PNKD: variants seen among roughly 807,000 people sequenced by gnomAD.
PNKD encodes probable thioesterase PNKD.
PNKD carries 36 observed loss-of-function variants against 45.3 expected under a neutral mutation model. The observed-to-expected ratio is 0.80, with a 90% confidence interval of 0.61 to 1.05. PNKD has a LOEUF of 1.05. PNKD is among the 50% of genes least tolerant of loss of function. PNKD has a pLI of 0.00. For missense variants in PNKD, 511 were observed against 506.6 expected, an observed-to-expected ratio of 1.01 and a Z score of -0.08; for synonymous variants, 197 against 210.1, an observed-to-expected ratio of 0.94 and a Z score of 0.54.
chr2:218,272,437 GCA>G (rs753266111), intron 2 of PNKD: 5 of 813,038 alleles, frequency 6.1e-6, no homozygotes, highest in South Asian at 1.5e-5. Flanking sequence ...CCAGCAGCCA[GCA>G]CAGAGGATGA....
At chr2:218,309,188 TGG>T (rs1230671553) in intron 2 of PNKD, among the ~76,000 whole-genome samples, 1 of 151,696 alleles carries the variant, frequency 6.6e-6, no homozygotes, top group Admixed American at 6.6e-5. Context: ...TTCGTAGAAA[TGG>T]GGTTTCACAG....
intron 2 of PNKD, chr2:218,275,885 G>C: frequency 1.9e-6 from 2 of 1,076,558 alleles, no homozygotes; most frequent in Non-Finnish European, 2.7e-6. Flanking sequence ...AAAATCAATG[G>C]AATCTCTGGA....
rs1690866717 is a variant in PNKD, at chr2:218,272,229, TG to T, written c.236+682del. 2.6e-5 allele frequency among the ~76,000 whole-genome samples: 4 copies of T among 151,796 alleles called. No homozygotes were observed. In the East Asian group the frequency reaches 7.7e-4, roughly 29 times the overall value. On this transcript the variant is annotated intron_variant, in intron 2 of 9. Coordinates refer to ENST00000273077, the MANE Select transcript of PNKD (RefSeq NM_015488.5). Reference sequence around the variant, plus strand: ...AGAGAGGGAAAGCGTCAGGGCTGCCTGGAAAATCCTGCACAGGTGCTGTTGC... The same window carrying T: ...AGAGAGGGAAAGCGTCAGGGCTGCCTGAAAATCCTGCACAGGTGCTGTTGC...
In PNKD at chr2:218,315,077, T is replaced by TTCCTTCCTTC. The variant is rs1191401028; in HGVS notation, c.237-24706_237-24705insTCCTTCCTTC. On this transcript the variant is annotated intron_variant, in intron 2 of 9. Transcript: ENST00000273077. ...TTCTTTCTTCCTTCCTTCCTTCCTT[T>TTCCTTCCTTC]CTTTCTCTCTCTCTCTCTCCTTCCT... is the stretch of plus-strand genomic sequence containing the variant. Among the ~76,000 whole-genome samples, 80 of 72,870 alleles carry TTCCTTCCTTC rather than the reference T, an allele frequency of 1.1e-3. 1 individual carries two copies. Among genetic ancestry groups the TTCCTTCCTTC allele is most frequent in the Middle Eastern group, 8.6e-3 (1 of 116 alleles). 47.8% of individuals were successfully genotyped at this position (72,870 alleles called of 152,430 possible).
rs1306943989 is a variant in PNKD, at chr2:218,326,462, T to G, written c.237-13321T>G. On this transcript the variant is annotated intron_variant, in intron 2 of 9. Transcript: ENST00000273077. This position sits in a 1 kb window ranked among gnomAD's most constrained non-coding sequence, Gnocchi z 4.1. ...TTTGCATCCTAGTTTTGTTGCTTAG[T>G]AGCCATGTGACCTTGAACAAATAAC... Among the ~76,000 whole-genome samples, 1 of 152,178 alleles carries G rather than the reference T, an allele frequency of 6.6e-6. No homozygotes were observed. The highest frequency in any genetic ancestry group is 1.5e-5 in the Non-Finnish European group (1 of 68,028).
chr2:218,275,498 G>GC (rs760550492), intron 2 of PNKD: 2 of 1,613,922 alleles, frequency 1.2e-6, no homozygotes, highest in Admixed American at 3.3e-5. Context: ...CCCATCAGCT[G>GC]CAGCACAAAG....
chr2:218,271,837 G>A (rs1303934596), intron 2 of PNKD, among the ~76,000 whole-genome samples: 1 of 152,218 alleles, frequency 6.6e-6, no homozygotes, highest in Non-Finnish European at 1.5e-5. Flanking sequence ...CCAAGTTTAA[G>A]TAAGTAGTTC....
intron 2 of PNKD, among the ~76,000 whole-genome samples, chr2:218,330,764 T>G (rs1694294030): frequency 6.6e-6 from 1 of 152,234 alleles, no homozygotes; most frequent in Non-Finnish European, 1.5e-5. Flanking sequence ...AATCTTTTTG[T>G]TTAACCAGCA....
intron 2 of PNKD, among the ~76,000 whole-genome samples, chr2:218,296,006 C>A (rs1036952067): frequency 6.6e-6 from 1 of 152,064 alleles, no homozygotes; most frequent in Admixed American, 6.6e-5. Context: ...CACCACCACG[C>A]CCGGCTAATT....
intron 2 of PNKD, chr2:218,282,159 G>C (rs2292555): frequency 0.39 from 562,647 of 1,460,798 alleles, 110,223 homozygotes; most frequent in Middle Eastern, 0.49. Context: ...CACGGGCTGA[G>C]GGGGAACCCC....
intron 2 of PNKD, among the ~76,000 whole-genome samples, chr2:218,332,853 C>T (rs1694369543): frequency 6.6e-6 from 1 of 152,180 alleles, no homozygotes; most frequent in African/African-American, 2.4e-5. Flanking sequence ...TCTGCATGGC[C>T]TGGCCCCTGC....
intron 2 of PNKD, 79 bp from the exon 3 acceptor site, chr2:218,339,704 G>A (rs546015245): frequency 1.2e-6 from 1 of 818,176 alleles, no homozygotes; most frequent in Admixed American, 1.9e-5. Context: ...ATGGAGATGT[G>A]GGGCCTGCAG....
chr2:218,278,573 C>T, intron 2 of PNKD: 3 of 1,614,148 alleles, frequency 1.9e-6, no homozygotes, highest in Non-Finnish European at 2.5e-6. Context: ...GCACTAGGGA[C>T]AAAGAGATGG....
rs1690914864 is a variant in PNKD, at chr2:218,273,083, G to A, written c.236+1534G>A. 1.1e-5 allele frequency: 6 copies of A among 555,878 alleles called. No homozygotes were observed. The South Asian group carries it at 1.1e-4, about 10-fold the overall frequency. 34.4% of individuals were successfully genotyped at this position (555,878 alleles called of 1,614,324 possible). A position where few individuals can be genotyped will look rare whatever the true frequency, so the allele number is the denominator to read the frequency against. ...AAACCCAGAGACTTAAGTGCAACCAGCCTAGGCCCCGGGCCCTCGGGACCA... is the reference window on the plus strand; with the variant it reads ...AAACCCAGAGACTTAAGTGCAACCAACCTAGGCCCCGGGCCCTCGGGACCA... On this transcript the variant is annotated intron_variant, in intron 2 of 9. Coordinates refer to ENST00000273077, the MANE Select transcript of PNKD (RefSeq NM_015488.5).
chr2:218,301,585 G>A (rs543650325), intron 2 of PNKD, among the ~76,000 whole-genome samples: 32 of 152,234 alleles, frequency 2.1e-4, no homozygotes, highest in East Asian at 7.7e-4. Flanking sequence ...CCAGGAGTTC[G>A]AAACCAGCCT....
chr2:218,304,234 A>G (rs1003451751), intron 2 of PNKD, among the ~76,000 whole-genome samples: 1 of 150,816 alleles, frequency 6.6e-6, no homozygotes, highest in African/African-American at 2.4e-5. Context: ...GCTCACTGCA[A>G]CCTCCCAGTT....
At chr2:218,283,853 G>C (rs1187803491) in intron 2 of PNKD, among the ~76,000 whole-genome samples, 1 of 152,102 alleles carries the variant, frequency 6.6e-6, no homozygotes, top group Non-Finnish European at 1.5e-5. Context: ...GATAGAACCA[G>C]GGCAAGAATG....
rs118028961 is a variant in PNKD, at chr2:218,337,549, T to G, written c.237-2234T>G. Among the ~76,000 whole-genome samples the G allele has an allele frequency of 1.6e-3, 250 of 152,332 alleles. 6 individuals carry two copies. In the East Asian group the frequency reaches 0.043, roughly 26 times the overall value. On this transcript the variant is annotated intron_variant, in intron 2 of 9. Coordinates refer to ENST00000273077, the MANE Select transcript of PNKD (RefSeq NM_015488.5). The stretch of plus-strand genomic sequence containing the variant: ...CAAGAAAGGATGCAGCAGAGTTCCT[T>G]GGTCATTCGTGTTTCTTAGAACACC...
chr2:218,321,827 C>T (rs1693993159), intron 2 of PNKD, among the ~76,000 whole-genome samples: 1 of 151,420 alleles, frequency 6.6e-6, no homozygotes, highest in African/African-American at 2.4e-5. Flanking sequence ...GGGGTTTCAC[C>T]GTGTTAGCCA....
Sources: gnomAD v4.1 joint callset for allele counts (sites outside exome capture counted in the v4.1 genomes callset) on GRCh38, gnomAD v4.1.1 for gene constraint, Gnocchi (gnomAD v3.1) non-coding constraint, MANE v1.5 for transcripts, NCBI Gene and HGNC (gene_info 2026-07-23, HGNC 2026-07-21) for gene names.